Variants in CCDC178 observed in about 807,000 individuals in gnomAD.
CCDC178 encodes the protein coiled-coil domain containing 178, also known as coiled-coil domain-containing protein 178.
CCDC178 carries 126 observed loss-of-function variants against 117.4 expected under a neutral mutation model. That is an observed-to-expected ratio of 1.07 (90% CI 0.93 to 1.24). The LOEUF (loss-of-function observed/expected upper bound fraction) is 1.24, where lower values mean the gene tolerates loss of function less well. CCDC178 is among the 50% of genes most tolerant of loss of function. The pLI is 0.00. For missense variants in CCDC178, 1,030 were observed against 986.9 expected (o/e 1.04, Z -0.59); for synonymous variants, 283 against 313.4 (o/e 0.90, Z 1.02).
chr18:32,985,824 T>A (rs1385770585), intron 21 of CCDC178, among the ~76,000 whole-genome samples: 1 of 152,006 alleles, frequency 6.6e-6, no homozygotes, highest in African/African-American at 2.4e-5. Flanking sequence ...CACTGGATAT[T>A]TGAAAACCTA....
At position 33,412,293 on chromosome 18, in the gene CCDC178, T is replaced by C. The variant is rs181720232; in HGVS notation, c.-22-183A>G. 1.4e-3 allele frequency among the ~76,000 whole-genome samples: 218 copies of C among 152,194 alleles called. 1 individual carries two copies. Among genetic ancestry groups the C allele is most frequent in the African/African-American group, 4.9e-3 (205 of 41,556 alleles). ...CGATCTCATTCAGAAATATCAAATATAAAAATCTTCATTAAAGAGGGATCT... is the reference window on the plus strand; with the variant it reads ...CGATCTCATTCAGAAATATCAAATACAAAAATCTTCATTAAAGAGGGATCT... On this transcript the variant is annotated intron_variant, in intron 2 of 22. Transcript: ENST00000383096.
chr18:33,151,169 A>C (rs537193821), intron 20 of CCDC178, among the ~76,000 whole-genome samples: 1 of 152,270 alleles, frequency 6.6e-6, no homozygotes, highest in East Asian at 1.9e-4. Flanking sequence ...TTGGAGCACC[A>C]AATCTCAGAA....
intron 15 of CCDC178, among the ~76,000 whole-genome samples, chr18:33,239,588 A>C (rs1289456467): frequency 6.6e-6 from 1 of 151,954 alleles, no homozygotes; most frequent in East Asian, 1.9e-4. Flanking sequence ...TCAGACTTCA[A>C]ATGAAAAACT....
At chr18:33,285,908 A>G (rs925517532) in intron 12 of CCDC178, among the ~76,000 whole-genome samples, 20 of 152,212 alleles carry the variant, frequency 1.3e-4, no homozygotes, top group Admixed American at 9.2e-4. Context: ...TATTTAATAT[A>G]TATGCCACAC....
chr18:33,331,305 C>G (rs1430811090), intron 10 of CCDC178, among the ~76,000 whole-genome samples: 1 of 151,962 alleles, frequency 6.6e-6, no homozygotes, highest in Non-Finnish European at 1.5e-5. Context: ...AAATAAGTTG[C>G]TTAAACAAGG....
At chr18:33,388,504 C>T (rs2063523773) in intron 5 of CCDC178, among the ~76,000 whole-genome samples, 2 of 143,102 alleles carry the variant, frequency 1.4e-5, no homozygotes, top group Admixed American at 7.0e-5. Flanking sequence ...AAATGTGGTA[C>T]ATATACACCA....
chr18:33,419,969 T>C (rs541287772), intron 2 of CCDC178, among the ~76,000 whole-genome samples: 7 of 152,190 alleles, frequency 4.6e-5, no homozygotes, highest in Admixed American at 4.6e-4. Flanking sequence ...AAATAAAGTA[T>C]TCTACCATAA....
At chr18:33,225,019 A>G in intron 16 of CCDC178, 83 bp from the exon 17 acceptor site, 1 of 957,918 alleles carries the variant, frequency 1.0e-6, no homozygotes, top group Non-Finnish European at 1.4e-6. Context: ...AGGCAGTAAT[A>G]TTTGTTTTTA....
intron 21 of CCDC178, among the ~76,000 whole-genome samples, chr18:33,085,611 G>A (rs538898024): frequency 2.2e-4 from 33 of 152,096 alleles, no homozygotes; most frequent in Non-Finnish European, 4.0e-4. Context: ...GCTTCATGGA[G>A]TTGTTCAGAG....
chr18:33,214,687 T>TAA (rs2059144922), intron 19 of CCDC178, among the ~76,000 whole-genome samples: 1 of 152,018 alleles, frequency 6.6e-6, no homozygotes, highest in Non-Finnish European at 1.5e-5. Flanking sequence ...TGAGTAGTGT[T>TAA]TTTCAGATAA....
intron 12 of CCDC178, among the ~76,000 whole-genome samples, chr18:33,271,745 A>G (rs890737056): frequency 5.3e-5 from 8 of 151,464 alleles, no homozygotes; most frequent in Non-Finnish European, 1.2e-4. Flanking sequence ...ATTATAAATC[A>G]ATAACACAAA....
intron 20 of CCDC178, among the ~76,000 whole-genome samples, chr18:33,104,848 G>A (rs1160357051): frequency 1.3e-5 from 2 of 151,646 alleles, no homozygotes; most frequent in Non-Finnish European, 2.9e-5. Context: ...GTTAGTAAGA[G>A]GTATTTTATA....
chr18:33,285,226 T>C (rs1300787772), intron 12 of CCDC178, among the ~76,000 whole-genome samples: 2 of 151,974 alleles, frequency 1.3e-5, no homozygotes, highest in African/African-American at 4.8e-5. Flanking sequence ...TATTTGAAAA[T>C]CTTACTCCAT....
chr18:33,078,113 T>A (rs1236976885), intron 21 of CCDC178, among the ~76,000 whole-genome samples: 1 of 152,216 alleles, frequency 6.6e-6, no homozygotes, highest in Non-Finnish European at 1.5e-5. Flanking sequence ...ATCCTCGGGA[T>A]GCAAGGTTGG....
intron 11 of CCDC178, among the ~76,000 whole-genome samples, chr18:33,312,022 G>A (rs1319592096): frequency 6.6e-6 from 1 of 152,160 alleles, no homozygotes; most frequent in Non-Finnish European, 1.5e-5. Flanking sequence ...AGGGATTCTT[G>A]AGGGCCTGCC....
chr18:32,988,079 AAATAATAATAATAATAATAAT>A (rs145642185), intron 21 of CCDC178, among the ~76,000 whole-genome samples: 6 of 141,234 alleles, frequency 4.2e-5, no homozygotes, highest in African/African-American at 1.3e-4. Flanking sequence ...ATCCGTCTCA[AAATAATAATAATAATAATAAT>A]AATAATAATA....
At chr18:33,096,354 A>AT (rs2057544334) in intron 20 of CCDC178, among the ~76,000 whole-genome samples, 1 of 109,210 alleles carries the variant, frequency 9.2e-6, no homozygotes, top group Admixed American at 8.9e-5. Flanking sequence ...TATTTTATAT[A>AT]AAAATATAAA....
intron 20 of CCDC178, among the ~76,000 whole-genome samples, chr18:33,123,558 A>AT (rs1236303006): frequency 4.6e-5 from 7 of 152,196 alleles, no homozygotes; most frequent in Admixed American, 1.3e-4. Flanking sequence ...AAAGGTGAGG[A>AT]TTTTTTGTAA....
chr18:32,995,186 A>G (rs553603685), intron 21 of CCDC178, among the ~76,000 whole-genome samples: 1 of 152,270 alleles, frequency 6.6e-6, no homozygotes, highest in Non-Finnish European at 1.5e-5. Context: ...CAATGGGAGG[A>G]GGAACTTATG....
Sources: gnomAD v4.1 joint callset for allele counts (sites outside exome capture counted in the v4.1 genomes callset) on GRCh38, gnomAD v4.1.1 for gene constraint, MANE v1.5 for transcripts, NCBI Gene and HGNC (gene_info 2026-07-23, HGNC 2026-07-21) for gene names.